SRPRB: variants seen among roughly 807,000 people sequenced by gnomAD.
SRPRB encodes signal recognition particle receptor subunit beta.
Under a neutral mutation model 31.9 loss-of-function variants are expected in SRPRB, and 20 were observed. The ratio of observed to expected loss-of-function variants is 0.63; its 90% CI spans 0.44 to 0.91. SRPRB has a LOEUF of 0.91. Among genes scored for constraint, SRPRB ranks in the 40% least tolerant of loss-of-function variants. The pLI is 0.00. For missense variants in SRPRB, 321 were observed against 324.9 expected, an observed-to-expected ratio of 0.99 and a Z score of 0.09; for synonymous variants, 146 against 132.8, an observed-to-expected ratio of 1.10 and a Z score of -0.68.
intron 1 of SRPRB, among the ~76,000 whole-genome samples, chr3:133,800,315 A>G (rs1935042595): frequency 6.6e-6 from 1 of 152,230 alleles, no homozygotes; most frequent in South Asian, 2.1e-4. Flanking sequence ...TGAAAAATGA[A>G]TGATTACATT....
At chr3:133,813,827 C>T (rs928937224) in intron 4 of SRPRB, among the ~76,000 whole-genome samples, 8 of 152,214 alleles carry the variant, frequency 5.3e-5, no homozygotes, top group Non-Finnish European at 7.3e-5. Flanking sequence ...GCTCCATAAG[C>T]GGTTCATAGT....
At chr3:133,827,683 A>G (rs1226358569), downstream of SRPRB, 1 of 576,858 alleles carries the variant, frequency 1.7e-6, no homozygotes, top group Non-Finnish European at 3.1e-6. Context: ...AAAGCACTCA[A>G]CAATATTAGC....
At chr3:133,803,232 T>G (rs1035901472), upstream of SRPRB, among the ~76,000 whole-genome samples, 3 of 152,102 alleles carry the variant, frequency 2.0e-5, no homozygotes, top group African/African-American at 7.2e-5. Flanking sequence ...ATTATCTATG[T>G]CACCCCAAAT....
downstream of SRPRB, chr3:133,826,846 T>C (rs1264767025): frequency 6.5e-6 from 1 of 152,674 alleles, no homozygotes; most frequent in Non-Finnish European, 1.5e-5. Flanking sequence ...AAGTTCCAAC[T>C]TGAGAGCAGG....
At chr3:133,822,688 T>C (rs913473018), downstream of SRPRB, among the ~76,000 whole-genome samples, 3 of 152,218 alleles carry the variant, frequency 2.0e-5, no homozygotes, top group African/African-American at 7.2e-5. Flanking sequence ...AGCCAGTCTA[T>C]GTTTTTTCTT....
At chr3:133,822,174 T>C (rs1378193188), downstream of SRPRB, among the ~76,000 whole-genome samples, 4 of 152,120 alleles carry the variant, frequency 2.6e-5, no homozygotes, top group African/African-American at 9.7e-5. Flanking sequence ...ACGGGCCAAC[T>C]AGGCACGACT....
At chr3:133,823,434 G>C (rs762786239), downstream of SRPRB, among the ~76,000 whole-genome samples, 4 of 152,122 alleles carry the variant, frequency 2.6e-5, no homozygotes, top group African/African-American at 4.8e-5. Flanking sequence ...CTAATTTTTA[G>C]TAGAGATGAG....
chr3:133,820,600 T>C lies in SRPRB; in HGVS notation c.*834T>C, dbSNP rs1204401349. Reference sequence around the variant, plus strand: ...CCTGGCTAGAATGCTGTGGAACAAATACAAAGTGAAAAAAGTTCTCTGTAG... The same window carrying C: ...CCTGGCTAGAATGCTGTGGAACAAACACAAAGTGAAAAAAGTTCTCTGTAG... On this transcript the variant is annotated 3_prime_UTR_variant, in exon 7 of 7. Coordinates refer to ENST00000678299, the MANE Select transcript of SRPRB (RefSeq NM_001379313.1). 2.0e-5 allele frequency: 3 copies of C among 151,812 alleles called. No homozygotes were observed. Among genetic ancestry groups the C allele is most frequent in the African/African-American group, 7.3e-5 (3 of 41,320 alleles). The allele number at this position is 151,812 out of a possible 1,614,324, so 9.4% of individuals were successfully genotyped here. A position where few individuals can be genotyped will look rare whatever the true frequency, so the allele number is the denominator to read the frequency against.
Position 133,816,952 on chromosome 3 carries a change from G to C in SRPRB, c.602+20G>C. 6.2e-7 allele frequency: 1 copy of C among 1,602,994 alleles called. No individual in the cohort carries two copies. On this transcript the variant is annotated intron_variant, in intron 6 of 6. Transcript: ENST00000678299. ...AGAACTGTAAGTGTGAAAGAGGCCT[G>C]TTGGTTAATTATATATCTTAACACT...
chr3:133,806,450 G>C (rs1935161799), intron 1 of SRPRB, 159 bp from the exon 2 acceptor site: 1 of 595,814 alleles, frequency 1.7e-6, no homozygotes, highest in Admixed American at 2.9e-5. Context: ...GCTCTCAGTG[G>C]ATCCCTAACA....
intron 3 of SRPRB, among the ~76,000 whole-genome samples, chr3:133,809,826 TATTAG>T (rs912568188): frequency 6.6e-6 from 1 of 152,204 alleles, no homozygotes; most frequent in Non-Finnish European, 1.5e-5. Flanking sequence ...ATTTTGGATA[TATTAG>T]ATTAAATAAC....
chr3:133,828,531 C>T, downstream of SRPRB: 1 of 478,336 alleles, frequency 2.1e-6, no homozygotes, highest in Non-Finnish European at 3.7e-6. Context: ...TAAATTTTAA[C>T]AGTTTTTGGC....
intron 4 of SRPRB, among the ~76,000 whole-genome samples, chr3:133,811,811 T>G (rs1666417957): frequency 6.6e-6 from 1 of 152,174 alleles, no homozygotes; most frequent in Non-Finnish European, 1.5e-5. Context: ...CTCGAACTCC[T>G]GACCTCATGA....
chr3:133,813,336 C>T (rs1298709047), intron 4 of SRPRB, among the ~76,000 whole-genome samples: 1 of 152,220 alleles, frequency 6.6e-6, no homozygotes, highest in Non-Finnish European at 1.5e-5. Context: ...TTCTCACACT[C>T]TGGAATTCTT....
At chr3:133,799,765 G>A (rs556948838) in intron 1 of SRPRB, among the ~76,000 whole-genome samples, 1 of 152,180 alleles carries the variant, frequency 6.6e-6, no homozygotes, top group African/African-American at 2.4e-5. Flanking sequence ...GGATTTAGAA[G>A]TAGAAGAGAC....
At chr3:133,827,605 T>A, downstream of SRPRB, 1 of 401,040 alleles carries the variant, frequency 2.5e-6, no homozygotes, top group East Asian at 4.9e-5. Context: ...CACAAAGATA[T>A]GTCCACAAAG....
chr3:133,815,808 G>C, intron 5 of SRPRB, 82 bp downstream of exon 5: 2 of 1,501,694 alleles, frequency 1.3e-6, no homozygotes, highest in Admixed American at 3.6e-5. Flanking sequence ...ATTTACAGTT[G>C]TTATTATTGA....
intron 4 of SRPRB, among the ~76,000 whole-genome samples, chr3:133,814,122 T>C (rs540120534): frequency 6.6e-6 from 1 of 152,076 alleles, no homozygotes; most frequent in East Asian, 1.9e-4. Context: ...CCCTTGTCCA[T>C]AAGGCTTGTA....
At chr3:133,799,258 A>C (rs1277487480) in intron 1 of SRPRB, among the ~76,000 whole-genome samples, 1 of 152,168 alleles carries the variant, frequency 6.6e-6, no homozygotes, top group Non-Finnish European at 1.5e-5. Context: ...GGGTGTTTAT[A>C]ATAAGGTGAA....
Sources: gnomAD v4.1 joint callset for allele counts (sites outside exome capture counted in the v4.1 genomes callset) on GRCh38, gnomAD v4.1.1 for gene constraint, MANE v1.5 for transcripts, NCBI Gene and HGNC (gene_info 2026-07-23, HGNC 2026-07-21) for gene names.